The following RPTOR variants were observed in gnomAD, a reference collection of about 807,000 sequenced individuals.
RPTOR encodes regulatory-associated protein of mTOR.
Under a neutral mutation model 169.9 loss-of-function variants are expected in RPTOR, and 21 were observed. The observed-to-expected ratio is 0.12, with a 90% CI of 0.09 to 0.18. The LOEUF (loss-of-function observed/expected upper bound fraction) is 0.18, where lower values mean the gene tolerates loss of function less well. RPTOR is among the 10% of genes least tolerant of loss of function. The probability of loss-of-function intolerance (pLI) is 1.00; values close to 1 mark genes in which losing one functional copy is unlikely to be tolerated. For missense variants in RPTOR, 1,133 were observed against 1,855.9 expected (o/e 0.61, Z 7.16); for synonymous variants, 732 against 753.2 (o/e 0.97, Z 0.46).
chr17:80,743,845 TTACTAGCAGAGCCCTGGC>T (rs1567887488), intron 5 of RPTOR, among the ~76,000 whole-genome samples: 1,080 of 63,044 alleles, frequency 0.017, 44 homozygotes, highest in African/African-American at 0.037. Flanking sequence ...ACAGCCCTGG[TTACTAGCAGAGCCCTGGC>T]TACTAGCACA....
intron 1 of RPTOR, among the ~76,000 whole-genome samples, chr17:80,587,730 T>A (rs2143396503): frequency 6.6e-6 from 1 of 152,212 alleles, no homozygotes; most frequent in East Asian, 1.9e-4. Context: ...CATTGGGGAA[T>A]GATTAAATCG....
intron 21 of RPTOR, among the ~76,000 whole-genome samples, chr17:80,917,777 T>C (rs1344254686): frequency 6.6e-6 from 1 of 152,044 alleles, no homozygotes; most frequent in African/African-American, 2.4e-5. Flanking sequence ...ACTGCACCTC[T>C]CTGAAGCCAT....
intron 9 of RPTOR, among the ~76,000 whole-genome samples, chr17:80,830,182 C>G (rs1324644665): frequency 6.6e-6 from 1 of 152,200 alleles, no homozygotes; most frequent in Non-Finnish European, 1.5e-5. Context: ...CTTCTCTGTT[C>G]TGTGGCATCT....
intron 5 of RPTOR, among the ~76,000 whole-genome samples, chr17:80,738,327 C>T (rs879805647): frequency 2.0e-5 from 3 of 152,236 alleles, no homozygotes; most frequent in Non-Finnish European, 4.4e-5. Context: ...TGAATGTGGC[C>T]GCCAAAGCTT....
At position 80,883,765 on chromosome 17, in the gene RPTOR, G is replaced by T. The variant is rs371821278; in HGVS notation, c.1651-16G>T. On this transcript the variant is annotated splice_polypyrimidine_tract_variant and intron_variant, in intron 15 of 33. Coordinates refer to ENST00000306801, the MANE Select transcript of RPTOR (RefSeq NM_020761.3). ...GGCAGGCAGAGGCCAACCTGTCTGT[G>T]GTCCCGCCTCTGCAGGAAGCCTGCC... The T allele has an allele frequency of 6.2e-7, 1 of 1,612,534 alleles. No homozygotes were observed. The highest frequency in any genetic ancestry group is 8.5e-7 in the Non-Finnish European group (1 of 1,179,950).
chr17:80,761,330 T>C (rs908590972), intron 6 of RPTOR, among the ~76,000 whole-genome samples: 1 of 152,236 alleles, frequency 6.6e-6, no homozygotes, highest in Admixed American at 6.5e-5. Flanking sequence ...ATGATAAACA[T>C]TATTTTGGAT....
chr17:80,569,749 T>C (rs1457220757), intron 1 of RPTOR, among the ~76,000 whole-genome samples: 1 of 152,120 alleles, frequency 6.6e-6, no homozygotes, highest in Non-Finnish European at 1.5e-5. Flanking sequence ...ATCTGCCCCT[T>C]TACAGCAGGA....
At chr17:80,671,850 G>A (rs114225617) in intron 3 of RPTOR, among the ~76,000 whole-genome samples, 2,015 of 152,250 alleles carry the variant, frequency 0.013, 57 homozygotes, top group African/African-American at 0.046. Flanking sequence ...TGTTCTTTGC[G>A]CACAAAGATG....
At chr17:80,623,367 G>A (rs1236375150) in intron 1 of RPTOR, among the ~76,000 whole-genome samples, 1 of 152,026 alleles carries the variant, frequency 6.6e-6, no homozygotes, top group African/African-American at 2.4e-5. Context: ...TTATCAATAA[G>A]AAACTGTTAT....
At position 80,677,907 on chromosome 17, in the gene RPTOR, T is replaced by C. The variant is rs140676531; in HGVS notation, c.349-29934T>C. Among the ~76,000 whole-genome samples the C allele has an allele frequency of 2.6e-3, 396 of 152,346 alleles. 2 individuals carry two copies. The highest frequency in any genetic ancestry group is 8.5e-3 in the African/African-American group (352 of 41,560). On this transcript the variant is annotated intron_variant, in intron 3 of 33. Transcript: ENST00000306801. ...GATATCAGTATTGCTCACTGGTCTC[T>C]AGTCTTCTAGAAAATAAGGGATGGG...
intron 3 of RPTOR, 151 bp downstream of exon 3, chr17:80,643,961 G>A (rs1446348372): frequency 3.2e-6 from 2 of 618,114 alleles, no homozygotes; most frequent in Admixed American, 6.1e-5. Context: ...GTGTGCCTGC[G>A]TTCTGCCTGC....
At chr17:80,846,090 G>T (rs4969219) in intron 10 of RPTOR, among the ~76,000 whole-genome samples, 76,695 of 152,116 alleles carry the variant, frequency 0.5, 21,731 homozygotes, top group Non-Finnish European at 0.63. Context: ...AGCCAGACTT[G>T]CCTGCTGATC....
intron 11 of RPTOR, among the ~76,000 whole-genome samples, chr17:80,852,316 G>T (rs2067801823): frequency 6.6e-6 from 1 of 152,156 alleles, no homozygotes; most frequent in Non-Finnish European, 1.5e-5. Flanking sequence ...TGGAGGCAGG[G>T]TTAACATCAG....
At chr17:80,809,554 A>C (rs1298707425) in intron 7 of RPTOR, among the ~76,000 whole-genome samples, 1 of 152,194 alleles carries the variant, frequency 6.6e-6, no homozygotes, top group Admixed American at 6.5e-5. Flanking sequence ...ATGATGACAG[A>C]GCAGCTTTTC....
At chr17:80,724,983 C>T (rs1433978264) in intron 4 of RPTOR, among the ~76,000 whole-genome samples, 2 of 152,218 alleles carry the variant, frequency 1.3e-5, no homozygotes, top group Non-Finnish European at 2.9e-5. Context: ...ATGCCGTTCT[C>T]TTCTTTGTAC....
intron 29 of RPTOR, among the ~76,000 whole-genome samples, chr17:80,958,805 G>A (rs2069294021): frequency 6.6e-6 from 1 of 152,216 alleles, no homozygotes; most frequent in Admixed American, 6.5e-5. Context: ...TGGAAAAGTG[G>A]TAGAGACCTA....
intron 6 of RPTOR, among the ~76,000 whole-genome samples, chr17:80,765,082 G>T (rs1301565633): frequency 6.6e-6 from 1 of 152,178 alleles, no homozygotes; most frequent in Non-Finnish European, 1.5e-5. Context: ...GGGGAAAAAT[G>T]CAATAAACAG....
rs2066658763 is a variant in RPTOR, at chr17:80,754,300, T to C, written c.830+115T>C. On this transcript the variant is annotated intron_variant, in intron 6 of 33. Coordinates refer to ENST00000306801, the MANE Select transcript of RPTOR (RefSeq NM_020761.3). The surrounding 1 kb of genome is among the most constrained non-coding windows in gnomAD (Gnocchi z 4.2). ...GTCCCAGGAGCCCACGTGACAGACA[T>C]GAGTGTCCCCGCCTTCTTTTTGTGT... 10 of 1,024,232 alleles carry C rather than the reference T, an allele frequency of 9.8e-6. No homozygotes were observed. The highest frequency in any genetic ancestry group is 4.9e-5 in the South Asian group (3 of 61,214). The allele number at this position is 1,024,232 out of a possible 1,614,324, so 63.4% of individuals were successfully genotyped here.
chr17:80,807,406 A>G (rs891701657), intron 7 of RPTOR, among the ~76,000 whole-genome samples: 1 of 152,042 alleles, frequency 6.6e-6, no homozygotes, highest in Admixed American at 6.5e-5. Flanking sequence ...CTGGAGTGCA[A>G]TAGCACGATC....
Sources: allele counts gnomAD v4.1 joint callset (sites outside exome capture counted in the v4.1 genomes callset), GRCh38; gene constraint gnomAD v4.1.1; non-coding constraint Gnocchi (gnomAD v3.1); transcripts MANE v1.5; gene names NCBI Gene and HGNC (gene_info 2026-07-23, HGNC 2026-07-21).